Variants in CDK8 observed in about 807,000 individuals in gnomAD.
CDK8 encodes the protein cyclin dependent kinase 8.
A neutral mutation model predicts 71.5 loss-of-function variants in CDK8; 29 were observed. That is an observed-to-expected ratio of 0.41 (90% CI 0.30 to 0.55). The LOEUF is 0.55. Ranked by LOEUF, CDK8 falls within the 20% of genes least tolerant of loss-of-function variation. The probability of loss-of-function intolerance (pLI) is 0.37; values close to 1 mark genes in which losing one functional copy is unlikely to be tolerated. For synonymous variants in CDK8, 161 were observed against 192.1 expected (o/e 0.84, Z 1.34); for missense variants, 288 against 572.6 (o/e 0.50, Z 5.07).
intron 1 of CDK8, among the ~76,000 whole-genome samples, chr13:26,277,910 A>C (rs1314656252): frequency 6.6e-6 from 1 of 152,148 alleles, no homozygotes; most frequent in Non-Finnish European, 1.5e-5. Flanking sequence ...TACTAGTTCA[A>C]ATATTTGCTT....
intron 1 of CDK8, among the ~76,000 whole-genome samples, chr13:26,296,440 A>G (rs372451613): frequency 3.9e-5 from 6 of 152,216 alleles, no homozygotes; most frequent in African/African-American, 1.4e-4. Flanking sequence ...GAAGTAAAGA[A>G]GGTTGATGTG....
At chr13:26,338,401 A>G (rs1873080269) in intron 2 of CDK8, among the ~76,000 whole-genome samples, 1 of 152,100 alleles carries the variant, frequency 6.6e-6, no homozygotes, top group Non-Finnish European at 1.5e-5. Context: ...ATTCTGTACC[A>G]ATGAGTCTTC....
In CDK8 at chr13:26,404,309, G is replaced by A. The variant is rs906793932; in HGVS notation, c.*228G>A. 9.2e-6 allele frequency: 4 copies of A among 436,880 alleles called. No homozygotes were observed. Among genetic ancestry groups the A allele is most frequent in the Non-Finnish European group, 1.6e-5 (4 of 243,180 alleles). 27.1% of individuals were successfully genotyped at this position (436,880 alleles called of 1,614,324 possible). A position where few individuals can be genotyped will look rare whatever the true frequency, so the allele number is the denominator to read the frequency against. ...AAGTGCTAGCACAGTTTGTGTTGTGGATTTGCTACTTCCATAGTTTACTTG... is the reference window on the plus strand; with the variant it reads ...AAGTGCTAGCACAGTTTGTGTTGTGAATTTGCTACTTCCATAGTTTACTTG... On this transcript the variant is annotated 3_prime_UTR_variant, in exon 13 of 13. Coordinates refer to ENST00000381527, the MANE Select transcript of CDK8 (RefSeq NM_001260.3).
intron 1 of CDK8, among the ~76,000 whole-genome samples, chr13:26,299,291 G>A (rs1873710276): frequency 6.6e-6 from 1 of 152,170 alleles, no homozygotes; most frequent in Admixed American, 6.5e-5. Flanking sequence ...TTACTTGTGA[G>A]TTAACCATGG....
intron 1 of CDK8, among the ~76,000 whole-genome samples, chr13:26,270,513 C>A (rs1038154073): frequency 1.3e-5 from 2 of 152,150 alleles, no homozygotes; most frequent in African/African-American, 4.8e-5. Context: ...CTAAAAGAAA[C>A]CCCGTACCCA....
chr13:26,300,221 C>T (rs1873764415), intron 1 of CDK8, among the ~76,000 whole-genome samples: 1 of 152,072 alleles, frequency 6.6e-6, no homozygotes, highest in Non-Finnish European at 1.5e-5. Flanking sequence ...TTTCAAGACC[C>T]CCAGTGGATG....
At chr13:26,333,921 A>C (rs1399562434) in intron 1 of CDK8, among the ~76,000 whole-genome samples, 8 of 152,188 alleles carry the variant, frequency 5.3e-5, no homozygotes, top group Non-Finnish European at 1.5e-5. Flanking sequence ...TGTATCTTTT[A>C]CTAAAAAAAT....
intron 1 of CDK8, among the ~76,000 whole-genome samples, chr13:26,286,602 G>A (rs1873032321): frequency 6.6e-6 from 1 of 152,184 alleles, no homozygotes; most frequent in South Asian, 2.1e-4. Context: ...CATTGGCTCA[G>A]ATAAGGACTT....
Position 26,287,577 on chromosome 13 carries a change from G to A in CDK8, c.128+32808G>A, listed in dbSNP as rs942927893. On this transcript the variant is annotated intron_variant, in intron 1 of 12. Coordinates refer to ENST00000381527, the MANE Select transcript of CDK8 (RefSeq NM_001260.3). ...ATTTTTGGGGACTTGGAGGAGAAAG[G>A]TGGGGAGGGGCTAGGGATAAAAGAC... Among the ~76,000 whole-genome samples the A allele has an allele frequency of 2.0e-5, 3 of 152,186 alleles. No individual in the cohort carries two copies. In the South Asian group the frequency reaches 6.2e-4, roughly 31 times the overall value.
chr13:26,297,360 G>A (rs1326289178), intron 1 of CDK8, among the ~76,000 whole-genome samples: 1 of 152,176 alleles, frequency 6.6e-6, no homozygotes, highest in East Asian at 1.9e-4. Context: ...AAAGAAGATA[G>A]CTAGGAAGAT....
chr13:26,264,430 GTCACCCC>G (rs1439621703), intron 1 of CDK8, among the ~76,000 whole-genome samples: 3 of 152,116 alleles, frequency 2.0e-5, no homozygotes, highest in Admixed American at 2.0e-4. Flanking sequence ...GGACTAGCAC[GTCACCCC>G]TCCCAGTAGC....
intron 4 of CDK8, among the ~76,000 whole-genome samples, chr13:26,354,879 A>G (rs180903462): frequency 1.5e-4 from 23 of 152,330 alleles, no homozygotes; most frequent in Admixed American, 6.5e-4. Flanking sequence ...GCCCTTTCTT[A>G]CTACATAATT....
intron 5 of CDK8, among the ~76,000 whole-genome samples, chr13:26,384,249 T>TC (rs1007681430): frequency 6.6e-6 from 1 of 151,838 alleles, no homozygotes; most frequent in African/African-American, 2.4e-5. Context: ...CTTTTGGGTT[T>TC]TTTTTTTTAC....
intron 12 of CDK8, among the ~76,000 whole-genome samples, chr13:26,402,728 C>T (rs957941166): frequency 1.2e-4 from 18 of 152,180 alleles, no homozygotes; most frequent in African/African-American, 4.3e-4. Flanking sequence ...GTGCATCTCT[C>T]TTGGCCCACA....
At chr13:26,266,508 G>T (rs992704717) in intron 1 of CDK8, among the ~76,000 whole-genome samples, 1 of 152,166 alleles carries the variant, frequency 6.6e-6, no homozygotes, top group Non-Finnish European at 1.5e-5. Flanking sequence ...GAAATACTAG[G>T]ACCTTGTAGG....
chr13:26,325,709 T>C (rs1040513364), intron 1 of CDK8, among the ~76,000 whole-genome samples: 2 of 152,308 alleles, frequency 1.3e-5, no homozygotes, highest in South Asian at 4.1e-4. Flanking sequence ...GAAGCAGGGC[T>C]GGGTTCTCTT....
intron 1 of CDK8, among the ~76,000 whole-genome samples, chr13:26,266,026 G>T (rs682181): frequency 0.25 from 38,486 of 152,004 alleles, 5,592 homozygotes; most frequent in East Asian, 0.44. Context: ...GAAATGATAG[G>T]ACTTGTTGAT....
intron 4 of CDK8, among the ~76,000 whole-genome samples, chr13:26,358,318 A>C (rs1190451507): frequency 2.0e-5 from 3 of 151,998 alleles, no homozygotes; most frequent in Admixed American, 1.3e-4. Flanking sequence ...TAAAAAATAA[A>C]AAAGTCATCC....
chr13:26,274,796 A>G (rs556248314), intron 1 of CDK8, among the ~76,000 whole-genome samples: 6 of 152,012 alleles, frequency 3.9e-5, no homozygotes, highest in African/African-American at 1.2e-4. Context: ...TTTTTTATTC[A>G]TGTTGTAAGA....
Sources: allele counts gnomAD v4.1 joint callset (sites outside exome capture counted in the v4.1 genomes callset), GRCh38; gene constraint gnomAD v4.1.1; transcripts MANE v1.5; gene names NCBI Gene and HGNC (gene_info 2026-07-23, HGNC 2026-07-21).